NME8: variants seen among roughly 807,000 people sequenced by gnomAD.
NME8 encodes NME/NM23 family member 8.
NME8 carries 72 observed loss-of-function variants against 82.3 expected under a neutral mutation model. The observed-to-expected ratio is 0.87, with a 90% CI of 0.72 to 1.06. The LOEUF is 1.06. NME8 is among the 50% of genes least tolerant of loss of function. The pLI is 0.00. For synonymous variants in NME8, 267 were observed against 228.5 expected (o/e 1.17, Z -1.52); for missense variants, 712 against 685.4 (o/e 1.04, Z -0.43).
intron 15 of NME8, among the ~76,000 whole-genome samples, chr7:37,893,441 C>G (rs1259215318): frequency 6.6e-6 from 1 of 152,128 alleles, no homozygotes; most frequent in Non-Finnish European, 1.5e-5. Context: ...CAGGGCATAG[C>G]TCTTGATAAT....
At chr7:37,899,884 C>T (rs2131980032) in intron 17 of NME8, among the ~76,000 whole-genome samples, 1 of 152,224 alleles carries the variant, frequency 6.6e-6, no homozygotes, top group South Asian at 2.1e-4. Flanking sequence ...TCCAGCCTGT[C>T]CATCGTGTTC....
Position 37,848,956 on chromosome 7 carries a change from G to T in NME8, c.-108G>T, listed in dbSNP as rs571881008. 6.6e-6 allele frequency: 1 copy of T among 152,378 alleles called. No individual in the cohort carries two copies. The highest frequency in any genetic ancestry group is 1.9e-4 in the East Asian group (1 of 5,166). The allele number at this position is 152,378 out of a possible 1,614,324, so 9.4% of individuals were successfully genotyped here. ...GGAATGGAACTTCGCCGAGGTCACC[G>T]CTCAAACGGCCACAACGAGGGAGCC... On this transcript the variant is annotated 5_prime_UTR_variant, in exon 2 of 18. Transcript: ENST00000199447.
At chr7:37,865,111 C>T (rs1184896819) in intron 9 of NME8, among the ~76,000 whole-genome samples, 1 of 152,100 alleles carries the variant, frequency 6.6e-6, no homozygotes, top group African/African-American at 2.4e-5. Context: ...CTCAATAGTC[C>T]CCCAAAGTCT....
chr7:37,884,961 A>T (rs1583641910), intron 13 of NME8, among the ~76,000 whole-genome samples, 184 bp from the exon 14 acceptor site: 1 of 152,304 alleles, frequency 6.6e-6, no homozygotes, highest in East Asian at 1.9e-4. Context: ...CCCTGCTTCT[A>T]TTCTTTTATA....
Position 37,877,883 on chromosome 7 carries a change from C to T in NME8, c.994+876C>T, listed in dbSNP as rs556278695. 1.1e-3 allele frequency among the ~76,000 whole-genome samples: 165 copies of T among 152,262 alleles called. 2 individuals carry two copies. Among genetic ancestry groups the T allele is most frequent in the African/African-American group, 3.8e-3 (156 of 41,542 alleles). On this transcript the variant is annotated intron_variant, in intron 12 of 17. Coordinates refer to ENST00000199447, the MANE Select transcript of NME8 (RefSeq NM_016616.5). ...TGCCCTTTGTAGGGCAAAATCTCTCCGGCTGAGAATCATTGATATACACAG... is the reference window on the plus strand; with the variant it reads ...TGCCCTTTGTAGGGCAAAATCTCTCTGGCTGAGAATCATTGATATACACAG...
At chr7:37,870,336 A>G (rs1784749440) in intron 11 of NME8, among the ~76,000 whole-genome samples, 1 of 152,084 alleles carries the variant, frequency 6.6e-6, no homozygotes, top group Non-Finnish European at 1.5e-5. Context: ...CATGCTTGTA[A>G]TCCCAGCACT....
chr7:37,866,799 T>C (rs530764857), intron 10 of NME8, among the ~76,000 whole-genome samples: 8 of 152,270 alleles, frequency 5.3e-5, no homozygotes, highest in Non-Finnish European at 4.4e-5. Flanking sequence ...TGATGACATG[T>C]TTCCAAGGTG....
At chr7:37,861,607 C>T (rs562290004) in intron 6 of NME8, among the ~76,000 whole-genome samples, 14 of 152,024 alleles carry the variant, frequency 9.2e-5, no homozygotes, top group Non-Finnish European at 1.5e-4. Context: ...GTGCCTGGTA[C>T]GGCACCAGTA....
chr7:37,888,139 GTACT>G (rs775425438), intron 14 of NME8, 134 bp from the exon 15 acceptor site: 22 of 811,588 alleles, frequency 2.7e-5, no homozygotes, highest in Non-Finnish European at 4.4e-5. Flanking sequence ...AAGCCGCCAT[GTACT>G]TACTTCCTTT....
intron 11 of NME8, among the ~76,000 whole-genome samples, chr7:37,873,246 G>C (rs1784795832): frequency 6.6e-6 from 1 of 151,704 alleles, no homozygotes; most frequent in Admixed American, 6.6e-5. Flanking sequence ...TATAGTCCCA[G>C]CTACTTGGGA....
intron 9 of NME8, 129 bp from the exon 10 acceptor site, chr7:37,865,396 T>C: frequency 1.4e-6 from 1 of 694,710 alleles, no homozygotes. Flanking sequence ...AAGTGTCCTA[T>C]AGATTTTGCT....
chr7:37,892,859 G>C (rs1164597187), intron 15 of NME8, among the ~76,000 whole-genome samples: 3 of 151,784 alleles, frequency 2.0e-5, no homozygotes, highest in Admixed American at 2.0e-4. Context: ...TACAGTTTGG[G>C]GGGGTATTTG....
chr7:37,868,565 T>A (rs1276691729), intron 11 of NME8, among the ~76,000 whole-genome samples: 1 of 152,110 alleles, frequency 6.6e-6, no homozygotes, highest in East Asian at 1.9e-4. Context: ...CTCCCCTCAC[T>A]GTGACTGCCC....
At chr7:37,899,088 A>G (rs1011128890) in intron 17 of NME8, among the ~76,000 whole-genome samples, 4 of 152,182 alleles carry the variant, frequency 2.6e-5, no homozygotes, top group Non-Finnish European at 5.9e-5. Flanking sequence ...TTATGTTGGG[A>G]GTGTAAATTA....
chr7:37,862,621 A>G (rs749646849), intron 7 of NME8, among the ~76,000 whole-genome samples: 9 of 148,290 alleles, frequency 6.1e-5, no homozygotes, highest in Admixed American at 1.4e-4. Flanking sequence ...CTTTAATAGG[A>G]TATTGATTAT....
rs1319278194 is a variant in NME8 at position 37,884,465 on chromosome 7, A to G, written c.1139+18A>G. The G allele has an allele frequency of 6.2e-7, 1 of 1,603,260 alleles. No homozygotes were observed. Among genetic ancestry groups the G allele is most frequent in the African/African-American group, 1.3e-5 (1 of 74,856 alleles). On this transcript the variant is annotated intron_variant, in intron 13 of 17. Transcript: ENST00000199447. ...ATGACCAGGTAGAATCCAGGTTGAG[A>G]AAATTCAGTCTGATTTATTTTTGAA... is the stretch of plus-strand genomic sequence containing the variant.
chr7:37,863,752 T>C (rs922205041), intron 8 of NME8, among the ~76,000 whole-genome samples: 8 of 152,208 alleles, frequency 5.3e-5, no homozygotes, highest in African/African-American at 1.9e-4. Context: ...TCATCCTTCA[T>C]CATCTTCCAA....
chr7:37,879,890 A>G (rs1053914259), intron 12 of NME8, among the ~76,000 whole-genome samples: 2 of 152,196 alleles, frequency 1.3e-5, no homozygotes, highest in East Asian at 3.8e-4. Flanking sequence ...GTTTAGTTAC[A>G]TTAATAGGTA....
chr7:37,868,120 G>T (rs908709947), intron 11 of NME8, among the ~76,000 whole-genome samples: 1 of 152,232 alleles, frequency 6.6e-6, no homozygotes. Flanking sequence ...TTGTAGGGTA[G>T]TAAGAATTTA....
Sources: allele counts gnomAD v4.1 joint callset (sites outside exome capture counted in the v4.1 genomes callset), GRCh38; gene constraint gnomAD v4.1.1; transcripts MANE v1.5; gene names NCBI Gene and HGNC (gene_info 2026-07-23, HGNC 2026-07-21).